Variants in RASSF8 observed in about 807,000 individuals in gnomAD.
The protein encoded by RASSF8 is Ras association domain family member 8.
In RASSF8, 22 loss-of-function variants were observed where a neutral mutation model predicts 48.5. The ratio of observed to expected loss-of-function variants is 0.45; its 90% confidence interval spans 0.32 to 0.65. The LOEUF (loss-of-function observed/expected upper bound fraction) is 0.65, where lower values mean the gene tolerates loss of function less well. RASSF8 is among the 30% of genes least tolerant of loss of function. The pLI, the probability that RASSF8 is intolerant of heterozygous loss-of-function variation, is 0.03. For missense variants in RASSF8, 418 were observed against 489.2 expected (o/e 0.85, Z 1.37); for synonymous variants, 127 against 171.5 (o/e 0.74, Z 2.03).
intron 2 of RASSF8, among the ~76,000 whole-genome samples, chr12:26,052,169 G>A (rs1943505142): frequency 6.6e-6 from 1 of 152,100 alleles, no homozygotes; most frequent in African/African-American, 2.4e-5. Flanking sequence ...AGTGATTTTT[G>A]GGATTACAAA....
intron 1 of RASSF8, among the ~76,000 whole-genome samples, chr12:25,977,696 T>C (rs1941640466): frequency 1.3e-5 from 2 of 152,178 alleles, no homozygotes; most frequent in South Asian, 4.1e-4. Context: ...AGAATCTTGC[T>C]TTACAAGTAT....
chr12:26,067,869 G>A (rs1396833878), intron 5 of RASSF8, among the ~76,000 whole-genome samples, 156 bp downstream of exon 5: 3 of 152,126 alleles, frequency 2.0e-5, no homozygotes, highest in Admixed American at 2.0e-4. Flanking sequence ...GGGCTCAGGT[G>A]ACCCTCCTAC....
intron 1 of RASSF8, among the ~76,000 whole-genome samples, chr12:25,974,613 G>A (rs565160530): frequency 1.3e-5 from 2 of 151,758 alleles, no homozygotes; most frequent in East Asian, 3.9e-4. Context: ...TGAATAAGTA[G>A]AAATCTTAAT....
At chr12:26,077,752 G>C (rs1944084697), downstream of RASSF8, among the ~76,000 whole-genome samples, 1 of 152,140 alleles carries the variant, frequency 6.6e-6, no homozygotes, top group Non-Finnish European at 1.5e-5. Context: ...GGTTTGGTTG[G>C]CTGGTTTTTT....
intron 3 of RASSF8, among the ~76,000 whole-genome samples, chr12:26,062,696 AAAAT>A (rs140046765): frequency 0.053 from 8,049 of 152,184 alleles, 647 homozygotes; most frequent in East Asian, 0.29. Flanking sequence ...GGGAGGGGAA[AAAAT>A]AAATAAATAA....
chr12:26,018,864 A>G (rs1488053347), intron 2 of RASSF8, among the ~76,000 whole-genome samples: 2 of 152,216 alleles, frequency 1.3e-5, no homozygotes, highest in African/African-American at 4.8e-5. Context: ...GATGCATCCA[A>G]ACTTGCCCAG....
chr12:25,959,298 C>G (rs963405679), intron 1 of RASSF8, 150 bp downstream of exon 1: 20 of 152,438 alleles, frequency 1.3e-4, no homozygotes, highest in African/African-American at 2.9e-4. Context: ...CCTGCCCCGC[C>G]GCGGGCTCCC....
chr12:26,031,786 C>G (rs1412083318), intron 2 of RASSF8, among the ~76,000 whole-genome samples: 2 of 152,092 alleles, frequency 1.3e-5, no homozygotes, highest in African/African-American at 4.8e-5. Context: ...CAATAGCAGC[C>G]ACACATGTAA....
At chr12:25,967,964 A>G (rs760553962) in intron 1 of RASSF8, among the ~76,000 whole-genome samples, 2 of 152,272 alleles carry the variant, frequency 1.3e-5, no homozygotes, top group East Asian at 1.9e-4. Flanking sequence ...GCCCTTCTCT[A>G]TCAGTAATCC....
intron 2 of RASSF8, among the ~76,000 whole-genome samples, chr12:26,049,493 C>A (rs1459126937): frequency 6.6e-6 from 1 of 152,158 alleles, no homozygotes; most frequent in Non-Finnish European, 1.5e-5. Flanking sequence ...AAGTGCCATC[C>A]TTCAGTTATT....
chr12:26,000,798 A>G (rs1309448494), intron 2 of RASSF8, among the ~76,000 whole-genome samples: 1 of 152,124 alleles, frequency 6.6e-6, no homozygotes, highest in Non-Finnish European at 1.5e-5. Context: ...GAAATACTGT[A>G]TAAAAGATTT....
chr12:25,965,600 C>A (rs1941343214), intron 1 of RASSF8, among the ~76,000 whole-genome samples: 1 of 152,066 alleles, frequency 6.6e-6, no homozygotes, highest in South Asian at 2.1e-4. Flanking sequence ...AAATGATCCG[C>A]CCACCTTAGC....
chr12:25,983,379 T>C (rs1020526955), intron 1 of RASSF8, among the ~76,000 whole-genome samples: 1 of 152,246 alleles, frequency 6.6e-6, no homozygotes, highest in Admixed American at 6.5e-5. Flanking sequence ...TCTGAGCTTT[T>C]TGACTGTGAC....
intron 2 of RASSF8, among the ~76,000 whole-genome samples, chr12:26,032,534 A>AT (rs34683688): frequency 1.3e-5 from 2 of 152,258 alleles, no homozygotes; most frequent in East Asian, 1.9e-4. Context: ...ACAATGACAA[A>AT]TTTTTTTGAA....
At chr12:26,060,264 T>C (rs1943711922) in intron 3 of RASSF8, among the ~76,000 whole-genome samples, 1 of 152,190 alleles carries the variant, frequency 6.6e-6, no homozygotes, top group Non-Finnish European at 1.5e-5. Flanking sequence ...AATTCTGTGA[T>C]TACATGATAT....
chr12:25,994,579 G>A (rs1942088915), intron 1 of RASSF8, among the ~76,000 whole-genome samples: 1 of 152,290 alleles, frequency 6.6e-6, no homozygotes, highest in South Asian at 2.1e-4. Flanking sequence ...AAAGTGCAGT[G>A]TATTTTTGTT....
intron 3 of RASSF8, among the ~76,000 whole-genome samples, chr12:26,063,226 A>C (rs573659724): frequency 1.3e-5 from 2 of 152,272 alleles, no homozygotes; most frequent in Non-Finnish European, 2.9e-5. Context: ...ATTTATGTAC[A>C]CTTTTCACAA....
Position 26,065,495 on chromosome 12 carries a change from C to T in RASSF8, c.993+108C>T, listed in dbSNP as rs566441270. 845 of 1,386,118 alleles carry T rather than the reference C, an allele frequency of 6.1e-4. 1 individual carries two copies. Among genetic ancestry groups the T allele is most frequent in the Middle Eastern group, 1.1e-3 (6 of 5,394 alleles). The allele number at this position is 1,386,118 out of a possible 1,614,324, so 85.9% of individuals were successfully genotyped here. A position where few individuals can be genotyped will look rare whatever the true frequency, so the allele number is the denominator to read the frequency against. On this transcript the variant is annotated intron_variant, in intron 4 of 5. Transcript: ENST00000689635. ...TTCCTTATATTCAAAGAATTAGAAA[C>T]CCAGCCTTGTTTAAAACTTTTGTCG...
chr12:26,001,578 T>G (rs982315021), intron 2 of RASSF8, among the ~76,000 whole-genome samples: 5 of 152,188 alleles, frequency 3.3e-5, no homozygotes, highest in African/African-American at 9.7e-5. Flanking sequence ...TTCGAACTTT[T>G]TTGTTAAAAA....
Sources: gnomAD v4.1 joint callset for allele counts (sites outside exome capture counted in the v4.1 genomes callset) on GRCh38, gnomAD v4.1.1 for gene constraint, MANE v1.5 for transcripts, NCBI Gene and HGNC (gene_info 2026-07-23, HGNC 2026-07-21) for gene names.